GRID2: variants seen among roughly 807,000 people sequenced by gnomAD.
GRID2 encodes the protein glutamate receptor ionotropic, delta-2.
A neutral mutation model predicts 114.8 loss-of-function variants in GRID2; 33 were observed. The observed-to-expected ratio is 0.29, with a 90% CI of 0.22 to 0.38. The LOEUF (loss-of-function observed/expected upper bound fraction) is 0.38, where lower values mean the gene tolerates loss of function less well. Among genes scored for constraint, GRID2 ranks in the 10% least tolerant of loss-of-function variants. The pLI, the probability that GRID2 is intolerant of heterozygous loss-of-function variation, is 1.00. For missense variants in GRID2, 1,184 were observed against 1,257.7 expected (o/e 0.94, Z 0.89); for synonymous variants, 505 against 449.9 (o/e 1.12, Z -1.55).
chr4:93,316,592 G>A (rs1358858216), intron 8 of GRID2, among the ~76,000 whole-genome samples: 2 of 152,152 alleles, frequency 1.3e-5, no homozygotes, highest in Non-Finnish European at 2.9e-5. Context: ...TGTGCTTAGA[G>A]CTCTGATGGA....
intron 7 of GRID2, among the ~76,000 whole-genome samples, chr4:93,231,130 C>T (rs1466917853): frequency 2.0e-5 from 3 of 151,858 alleles, no homozygotes; most frequent in African/African-American, 7.3e-5. Flanking sequence ...ATCAATTTGC[C>T]CAGTGCAGAT....
chr4:93,767,495 G>A (rs1253175623), intron 14 of GRID2, among the ~76,000 whole-genome samples: 4 of 152,130 alleles, frequency 2.6e-5, no homozygotes, highest in African/African-American at 9.7e-5. Flanking sequence ...CAGGAAGCAA[G>A]GAGAAAAGGT....
chr4:93,406,254 A>G (rs1030149811), intron 9 of GRID2, among the ~76,000 whole-genome samples: 3 of 152,148 alleles, frequency 2.0e-5, no homozygotes, highest in African/African-American at 7.2e-5. Context: ...GGACTTTGAT[A>G]CCTAAAAGGT....
intron 1 of GRID2, among the ~76,000 whole-genome samples, chr4:92,524,343 T>A (rs1272033256): frequency 6.6e-6 from 1 of 151,672 alleles, no homozygotes; most frequent in Non-Finnish European, 1.5e-5. Context: ...CTAACATGGG[T>A]ATCAGTAGCT....
intron 2 of GRID2, among the ~76,000 whole-genome samples, chr4:92,802,801 A>G (rs757380709): frequency 1.3e-5 from 2 of 151,966 alleles, no homozygotes; most frequent in Non-Finnish European, 2.9e-5. Context: ...CCTCCACGAT[A>G]TGTTGCTGAT....
chr4:92,415,604 A>G (rs1437344493), intron 1 of GRID2, among the ~76,000 whole-genome samples: 4 of 151,456 alleles, frequency 2.6e-5, no homozygotes, highest in Non-Finnish European at 5.9e-5. Context: ...CACTTAGAAT[A>G]ATGGTCTCCA....
downstream of GRID2, among the ~76,000 whole-genome samples, chr4:93,775,762 G>T (rs1439288402): frequency 6.6e-6 from 1 of 152,132 alleles, no homozygotes; most frequent in African/African-American, 2.4e-5. Context: ...CACAGGCTTT[G>T]GTTTAATCAT....
chr4:92,861,401 C>G (rs1744523371), intron 2 of GRID2, among the ~76,000 whole-genome samples: 1 of 152,076 alleles, frequency 6.6e-6, no homozygotes, highest in South Asian at 2.1e-4. Flanking sequence ...GACACGCACA[C>G]TAGTGCGAAG....
intron 2 of GRID2, among the ~76,000 whole-genome samples, chr4:92,666,306 A>C (rs949395057): frequency 6.6e-6 from 1 of 151,592 alleles, no homozygotes; most frequent in African/African-American, 2.4e-5. Context: ...ATACATATAT[A>C]TTTCTTACTT....
At chr4:92,775,336 T>C (rs1440349839) in intron 2 of GRID2, among the ~76,000 whole-genome samples, 2 of 152,176 alleles carry the variant, frequency 1.3e-5, no homozygotes, top group African/African-American at 4.8e-5. Flanking sequence ...GACTACTGTT[T>C]CCTTGAAAGT....
rs17020863 is a variant in GRID2, at chr4:93,622,345, C to T, written c.2194-3924C>T. 4.8e-3 allele frequency among the ~76,000 whole-genome samples: 723 copies of T among 152,096 alleles called. 3 individuals carry two copies. Among genetic ancestry groups the T allele is most frequent in the Middle Eastern group, 0.014 (4 of 294 alleles). On this transcript the variant is annotated intron_variant, in intron 13 of 15. Coordinates refer to ENST00000282020, the MANE Select transcript of GRID2 (RefSeq NM_001510.4). ...AGCCCCACGTATATAAAATTGTTTC[C>T]GATGATATTACTCATTTTTTTATCA...
intron 8 of GRID2, among the ~76,000 whole-genome samples, chr4:93,298,061 G>T (rs866989824): frequency 6.6e-6 from 1 of 152,100 alleles, no homozygotes; most frequent in Non-Finnish European, 1.5e-5. Context: ...TACTTTAAAA[G>T]CAGTATGTTT....
chr4:92,764,247 A>T (rs1738154447), intron 2 of GRID2, among the ~76,000 whole-genome samples: 1 of 152,138 alleles, frequency 6.6e-6, no homozygotes, highest in Admixed American at 6.6e-5. Context: ...TAACCTAGCC[A>T]TTTGTTTGCC....
At chr4:92,709,841 A>G (rs1488875203) in intron 2 of GRID2, among the ~76,000 whole-genome samples, 2 of 151,966 alleles carry the variant, frequency 1.3e-5, no homozygotes, top group South Asian at 2.1e-4. Context: ...GATCAAGACT[A>G]CAGATGTATC....
intron 2 of GRID2, among the ~76,000 whole-genome samples, chr4:93,023,663 C>CAT (rs1247459040): frequency 6.6e-6 from 1 of 151,774 alleles, no homozygotes; most frequent in African/African-American, 2.4e-5. Context: ...AGGGCTAAGA[C>CAT]ATATATATCA....
In GRID2 at chr4:93,316,607, G is replaced by A. The variant is rs148588490; in HGVS notation, c.1245+78117G>A. Among the ~76,000 whole-genome samples the A allele has an allele frequency of 9.0e-3, 1,371 of 152,216 alleles. 11 individuals carry two copies. Among genetic ancestry groups the A allele is most frequent in the Non-Finnish European group, 0.013 (893 of 68,014 alleles). On this transcript the variant is annotated intron_variant, in intron 8 of 15. Transcript: ENST00000282020. ...TGTGCTTAGAGCTCTGATGGAAAAA[G>A]CATTTAAAGGCAGAATTCACATTCC...
chr4:92,452,875 C>CAT (rs1035557342), intron 1 of GRID2, among the ~76,000 whole-genome samples: 21 of 143,504 alleles, frequency 1.5e-4, no homozygotes, highest in Admixed American at 3.5e-4. Flanking sequence ...ATTTTTTTAC[C>CAT]ATATATATAT....
At chr4:93,040,891 C>T (rs904733266) in intron 2 of GRID2, among the ~76,000 whole-genome samples, 3 of 152,084 alleles carry the variant, frequency 2.0e-5, no homozygotes, top group African/African-American at 7.2e-5. Context: ...CTGGATCCTA[C>T]TTTTGCATTC....
chr4:92,355,623 C>G (rs1728283921), intron 1 of GRID2, among the ~76,000 whole-genome samples: 1 of 151,792 alleles, frequency 6.6e-6, no homozygotes, highest in Admixed American at 6.6e-5. Context: ...TTTCAAGCTG[C>G]TTTCCTAACA....
Sources: gnomAD v4.1 joint callset for allele counts (sites outside exome capture counted in the v4.1 genomes callset) on GRCh38, gnomAD v4.1.1 for gene constraint, MANE v1.5 for transcripts, NCBI Gene and HGNC (gene_info 2026-07-23, HGNC 2026-07-21) for gene names.